CENPN: variants seen among roughly 807,000 people sequenced by gnomAD.
CENPN encodes the protein centromere protein N.
A neutral mutation model predicts 48.6 loss-of-function variants in CENPN; 36 were observed. The ratio of observed to expected loss-of-function variants is 0.74; its 90% CI spans 0.57 to 0.98. The LOEUF is 0.98. Ranked by LOEUF, CENPN falls within the 50% of genes least tolerant of loss-of-function variation. The pLI, the probability that CENPN is intolerant of heterozygous loss-of-function variation, is 0.00. For missense variants in CENPN, 439 were observed against 399.2 expected, an observed-to-expected ratio of 1.10 and a Z score of -0.85; for synonymous variants, 166 against 135.2, an observed-to-expected ratio of 1.23 and a Z score of -1.58.
intron 6 of CENPN, among the ~76,000 whole-genome samples, chr16:81,020,741 G>C (rs531980575): frequency 2.0e-5 from 3 of 152,132 alleles, no homozygotes; most frequent in East Asian, 3.9e-4. Flanking sequence ...TATTCCGTTC[G>C]TTCAAAATAA....
chr16:81,014,163 G>T lies in CENPN; in HGVS notation c.199G>T (p.Ala67Ser), dbSNP rs1466721523. Residue 67 changes from alanine (A) to serine (S), a missense_variant, in exon 3 of 11, where the codon GCC (alanine) becomes TCC (serine). Physicochemically the swap from Ala to Ser is moderately conservative, Grantham distance 99. Transcript: ENST00000305850. ...AAAGCGTGCAAGTATCAGTGATGCT[G>T]CCCTGTTAGACATCATTTGTAAGTG... ...EEKRASISDA[A>S]LLDIIYMQFH... 1 of 1,613,180 alleles carries T rather than the reference G, an allele frequency of 6.2e-7. No individual in the cohort carries two copies. The highest frequency in any genetic ancestry group is 8.5e-7 in the Non-Finnish European group (1 of 1,179,406).
chr16:81,016,313 A>G (rs1969930359), intron 3 of CENPN, among the ~76,000 whole-genome samples: 1 of 152,186 alleles, frequency 6.6e-6, no homozygotes, highest in Non-Finnish European at 1.5e-5. Context: ...CAGTTAACAT[A>G]GTGAGACCCT....
chr16:81,023,836 T>A (rs1020020682), intron 7 of CENPN: 7 of 152,326 alleles, frequency 4.6e-5, no homozygotes, highest in African/African-American at 1.2e-4. Context: ...ATCCCAGCAC[T>A]TTGGGAGTCC....
At chr16:81,016,623 C>A (rs1425917477) in intron 3 of CENPN, among the ~76,000 whole-genome samples, 1 of 152,010 alleles carries the variant, frequency 6.6e-6, no homozygotes, top group Non-Finnish European at 1.5e-5. Flanking sequence ...ATTAGCCAGG[C>A]GTTGTGGCAG....
At chr16:81,025,756 G>A (rs1970440738) in intron 8 of CENPN, among the ~76,000 whole-genome samples, 1 of 142,446 alleles carries the variant, frequency 7.0e-6, no homozygotes, top group South Asian at 2.4e-4. Flanking sequence ...AGGCTGGAAT[G>A]CAGTAGCATG....
In CENPN at chr16:81,030,514, C is replaced by T. The variant is rs1371485230; in HGVS notation, c.*1863C>T. On this transcript the variant is annotated 3_prime_UTR_variant, in exon 11 of 11. Transcript: ENST00000305850. ...CTGTAATCCTAGCACTTTGGGAAGC[C>T]GAGGTGGGCAGATCACCCGAGGTCA... 9.0e-6 allele frequency: 5 copies of T among 556,802 alleles called. No individual in the cohort carries two copies. The highest frequency in any genetic ancestry group is 2.1e-5 in the African/African-American group (1 of 48,702). The allele number at this position is 556,802 out of a possible 1,614,324, so 34.5% of individuals were successfully genotyped here. A position where few individuals can be genotyped will look rare whatever the true frequency, so the allele number is the denominator to read the frequency against.
rs1310250749 is a variant in CENPN at position 81,029,625 on chromosome 16, G to C, written c.*974G>C. On this transcript the variant is annotated 3_prime_UTR_variant, in exon 11 of 11. Transcript: ENST00000305850. ...AAGTCTCCTTCTATCGCCCAGGCTGGAGTGCAATGGCACAATCTTGGCTCC... is the reference window on the plus strand; with the variant it reads ...AAGTCTCCTTCTATCGCCCAGGCTGCAGTGCAATGGCACAATCTTGGCTCC... 6.6e-6 allele frequency among the ~76,000 whole-genome samples: 1 copy of C among 151,998 alleles called. No homozygotes were observed. The highest frequency in any genetic ancestry group is 1.9e-4 in the East Asian group (1 of 5,176).
rs75100204 is a variant in CENPN at position 81,030,232 on chromosome 16, C to T, written c.*1581C>T. On this transcript the variant is annotated 3_prime_UTR_variant, in exon 11 of 11. Coordinates refer to ENST00000305850, the MANE Select transcript of CENPN (RefSeq NM_001100624.3). Reference sequence around the variant, plus strand: ...TCACAGGCATGAGCTACCACGCCCGCCAGCATGTCTTTTTTAAACATTTTA... The same window carrying T: ...TCACAGGCATGAGCTACCACGCCCGTCAGCATGTCTTTTTTAAACATTTTA... 2.2e-3 allele frequency: 2,214 copies of T among 985,406 alleles called. 43 individuals carry two copies. In the African/African-American group the frequency reaches 0.036, roughly 16 times the overall value. The allele number at this position is 985,406 out of a possible 1,614,324, so 61.0% of individuals were successfully genotyped here.
In CENPN at chr16:81,030,831, G is replaced by A. The variant is rs1206284293; in HGVS notation, c.*2180G>A. On this transcript the variant is annotated 3_prime_UTR_variant, in exon 11 of 11. Transcript: ENST00000305850. ...GAGGCCAAGGCAGGTGGGTCACAAGGTCAAGAGTTTGAGACTAGCCTTAGC... is the reference window on the plus strand; with the variant it reads ...GAGGCCAAGGCAGGTGGGTCACAAGATCAAGAGTTTGAGACTAGCCTTAGC... 6.6e-6 allele frequency: 1 copy of A among 152,120 alleles called. No homozygotes were observed. Among genetic ancestry groups the A allele is most frequent in the Non-Finnish European group, 1.5e-5 (1 of 68,076 alleles). The allele number at this position is 152,120 out of a possible 1,614,324, so 9.4% of individuals were successfully genotyped here. A position where few individuals can be genotyped will look rare whatever the true frequency, so the allele number is the denominator to read the frequency against.
Position 81,020,217 on chromosome 16 carries a change from A to G in CENPN, c.472A>G (p.Thr158Ala). Residue 158 changes from threonine to alanine, a missense_variant, in exon 6 of 11, where the codon ACT becomes GCT. Thr to Ala is a moderately conservative substitution (Grantham distance 58, BLOSUM62 0). Transcript: ENST00000305850. ...KPTYVVYYSQ[T>A]PYAFTSSSML... ...TACCTACGTGGTGTACTACTCCCAG[A>G]CTCCGTACGCCTTCACGTCCTCCTC... is the stretch of plus-strand genomic sequence containing the variant. The G allele has an allele frequency of 6.2e-7, 1 of 1,613,978 alleles. No homozygotes were observed. Among genetic ancestry groups the G allele is most frequent in the South Asian group, 1.1e-5 (1 of 91,084 alleles).
intron 7 of CENPN, 180 bp downstream of exon 7, chr16:81,022,878 T>A: frequency 6.2e-7 from 1 of 1,609,650 alleles, no homozygotes. Flanking sequence ...ACAGTCATCT[T>A]TTTATAATTG....
chr16:81,031,717 T>C (rs886793944), downstream of CENPN, among the ~76,000 whole-genome samples: 1 of 152,182 alleles, frequency 6.6e-6, no homozygotes, highest in Admixed American at 6.5e-5. Context: ...CGTCCTTGGT[T>C]GCCAGCTGTC....
rs1436035799 is a variant in CENPN at position 81,029,822 on chromosome 16, A to G, written c.*1171A>G. The stretch of plus-strand genomic sequence containing the variant: ...ACTCCTGGGCTCAAGCAATCTGCCC[A>G]TTTTAGCCTCCTAAAATGCTGGGAT... On this transcript the variant is annotated 3_prime_UTR_variant, in exon 11 of 11. Coordinates refer to ENST00000305850, the MANE Select transcript of CENPN (RefSeq NM_001100624.3). Among the ~76,000 whole-genome samples, 13 of 152,120 alleles carry G rather than the reference A, an allele frequency of 8.5e-5. No individual in the cohort carries two copies. The highest frequency in any genetic ancestry group is 1.8e-4 in the Non-Finnish European group (12 of 68,026).
intron 8 of CENPN, among the ~76,000 whole-genome samples, chr16:81,025,595 C>G (rs1970426073): frequency 6.6e-6 from 1 of 151,680 alleles, no homozygotes; most frequent in African/African-American, 2.4e-5. Flanking sequence ...CAATGTTATG[C>G]ATCTGTGGTC....
intron 8 of CENPN, 114 bp from the exon 9 acceptor site, chr16:81,026,412 A>G: frequency 2.2e-6 from 1 of 463,844 alleles, no homozygotes; most frequent in Non-Finnish European, 3.9e-6. Context: ...AAGAAGCAGT[A>G]AATATTATTT....
Position 81,022,620 on chromosome 16 carries a change from C to G in CENPN, c.555C>G (p.His185Gln). The G allele has an allele frequency of 6.2e-7, 1 of 1,614,006 alleles. No homozygotes were observed. ...LGQALTIASK[H>Q]HQIVKMDLRS... is the part of the protein sequence containing the mutation. ...AGGCGCTGACAATTGCTAGCAAACACCATCAGATTGTGAAAATGGACCTGA... is the reference window on the plus strand; with the variant it reads ...AGGCGCTGACAATTGCTAGCAAACAGCATCAGATTGTGAAAATGGACCTGA... The change falls in exon 7 of 11, where the codon CAC becomes CAG. Residue 185 changes from histidine (H) to glutamine (Q), a missense_variant. Transcript: ENST00000305850.
chr16:81,020,366 G>C, intron 6 of CENPN, 90 bp downstream of exon 6: 5 of 1,272,850 alleles, frequency 3.9e-6, no homozygotes, highest in African/African-American at 3.0e-5. Context: ...GTATTTGATA[G>C]AGAATACTAG....
intron 8 of CENPN, among the ~76,000 whole-genome samples, chr16:81,025,812 C>G (rs1353032725): frequency 6.6e-6 from 1 of 150,502 alleles, no homozygotes; most frequent in African/African-American, 2.5e-5. Flanking sequence ...AAGCGATTCT[C>G]TTTCCTCAGC....
In CENPN at chr16:81,031,007, C is replaced by T. The variant is rs1970749338; in HGVS notation, c.*2356C>T. 1 of 152,058 alleles carries T rather than the reference C, an allele frequency of 6.6e-6. No homozygotes were observed. The allele number at this position is 152,058 out of a possible 1,614,324, so 9.4% of individuals were successfully genotyped here. A position where few individuals can be genotyped will look rare whatever the true frequency, so the allele number is the denominator to read the frequency against. ...TAGGTTGCAGTGAGCCGAGACTGCA[C>T]CACTGCACTCCAGCCTAGGTGACAG... On this transcript the variant is annotated 3_prime_UTR_variant, in exon 11 of 11. Coordinates refer to ENST00000305850, the MANE Select transcript of CENPN (RefSeq NM_001100624.3).
Sources: gnomAD v4.1 joint callset for allele counts (sites outside exome capture counted in the v4.1 genomes callset) on GRCh38, gnomAD v4.1.1 for gene constraint, MANE v1.5 for transcripts, NCBI Gene and HGNC (gene_info 2026-07-23, HGNC 2026-07-21) for gene names.